Variants in CRB1 observed in about 807,000 individuals in gnomAD.
CRB1 encodes the protein crumbs cell polarity complex component 1.
In CRB1, 83 loss-of-function variants were observed where a neutral mutation model predicts 120.0. That is an observed-to-expected ratio of 0.69 (90% CI 0.58 to 0.83). The LOEUF is 0.83. Ranked by LOEUF, CRB1 falls within the 40% of genes least tolerant of loss-of-function variation. CRB1 has a pLI of 0.00. For synonymous variants in CRB1, 625 were observed against 612.5 expected (o/e 1.02, Z -0.30); for missense variants, 1,699 against 1,687.6 (o/e 1.01, Z -0.12).
chr1:197,309,671 A>G (rs1657397547), intron 1 of CRB1, among the ~76,000 whole-genome samples: 2 of 151,992 alleles, frequency 1.3e-5, no homozygotes, highest in African/African-American at 2.4e-5. Context: ...GGAGAATGGC[A>G]TGAACCCGGG....
intron 5 of CRB1, among the ~76,000 whole-genome samples, chr1:197,385,145 C>T (rs923277207): frequency 3.3e-5 from 5 of 152,106 alleles, no homozygotes; most frequent in African/African-American, 1.2e-4. Context: ...AAACTACCCT[C>T]CCCCAGCTCA....
chr1:197,449,800 A>G, intron 11 of CRB1, among the ~76,000 whole-genome samples: 1 of 152,120 alleles, frequency 6.6e-6, no homozygotes, highest in African/African-American at 2.4e-5. Flanking sequence ...GGTGACTTGG[A>G]GTGTACGCTA....
intron 5 of CRB1, among the ~76,000 whole-genome samples, chr1:197,370,109 C>T (rs974439422): frequency 1.3e-5 from 2 of 152,166 alleles, no homozygotes; most frequent in Admixed American, 1.3e-4. Flanking sequence ...AGAGATTTCT[C>T]CACTTCCAAG....
intron 11 of CRB1, among the ~76,000 whole-genome samples, chr1:197,447,874 A>T (rs1045400493): frequency 2.0e-5 from 3 of 150,970 alleles, no homozygotes; most frequent in African/African-American, 7.3e-5. Context: ...AAAAAAAAAA[A>T]AGTCTGTCTG....
At chr1:197,452,921 A>T (rs1394133515) in intron 11 of CRB1, among the ~76,000 whole-genome samples, 2 of 152,216 alleles carry the variant, frequency 1.3e-5, no homozygotes, top group African/African-American at 4.8e-5. Flanking sequence ...TTTCAAAGAC[A>T]TATCTGCATT....
At chr1:197,426,195 C>A (rs185452032) in intron 6 of CRB1, among the ~76,000 whole-genome samples, 31 of 152,088 alleles carry the variant, frequency 2.0e-4, no homozygotes, top group Admixed American at 1.4e-3. Flanking sequence ...TTGTATCTAC[C>A]TTCAAAATAT....
the CRB1 span, among the ~76,000 whole-genome samples, chr1:197,257,432 C>G: frequency 2.6e-5 from 4 of 152,136 alleles, no homozygotes; most frequent in African/African-American, 9.6e-5. Context: ...CAAGTTGACA[C>G]ATACAATTAA....
chr1:197,316,240 C>T (rs1407773267), intron 1 of CRB1, among the ~76,000 whole-genome samples: 4 of 152,124 alleles, frequency 2.6e-5, no homozygotes, highest in East Asian at 3.9e-4. Context: ...GCCGGACTGC[C>T]GTGGCATGAT....
chr1:197,341,018 C>G (rs542679115), intron 2 of CRB1, among the ~76,000 whole-genome samples: 1 of 152,194 alleles, frequency 6.6e-6, no homozygotes, highest in South Asian at 2.1e-4. Flanking sequence ...CAGGGAAACT[C>G]CCCCTAATAA....
At chr1:197,449,227 T>C (rs556859940) in intron 11 of CRB1, among the ~76,000 whole-genome samples, 1 of 152,302 alleles carries the variant, frequency 6.6e-6, no homozygotes, top group Admixed American at 6.5e-5. Context: ...ATTTATTGAA[T>C]TTCCTTTTGT....
At position 197,421,281 on chromosome 1, in the gene CRB1, A is replaced by T; in HGVS notation, c.1453A>T (p.Thr485Ser). 6.2e-7 allele frequency: 1 copy of T among 1,614,140 alleles called. No homozygotes were observed. Among genetic ancestry groups the T allele is most frequent in the Non-Finnish European group, 8.5e-7 (1 of 1,180,026 alleles). Residue 485 changes from threonine to serine, a missense_variant, in exon 6 of 12, where the codon ACA becomes TCA. Transcript: ENST00000367400. ...CGGGTCCCTGTGTGAAATCGCAACC[A>T]CACTTTCATTTGAGGGCGATGGCTT... is the stretch of plus-strand genomic sequence containing the variant. ...YTGSLCEIAT[T>S]LSFEGDGFLW...
At chr1:197,346,272 C>A (rs2786103) in intron 3 of CRB1, among the ~76,000 whole-genome samples, 1 of 151,370 alleles carries the variant, frequency 6.6e-6, no homozygotes, top group Admixed American at 6.6e-5. Context: ...CTATGAGATA[C>A]ATTGGAAAAT....
intron 11 of CRB1, among the ~76,000 whole-genome samples, chr1:197,454,393 T>C (rs1030997764): frequency 3.3e-5 from 5 of 152,172 alleles, no homozygotes; most frequent in African/African-American, 7.2e-5. Flanking sequence ...TCTAATTTGG[T>C]TCACTAATCT....
At chr1:197,354,685 C>T (rs1660337958) in intron 4 of CRB1, among the ~76,000 whole-genome samples, 3 of 151,930 alleles carry the variant, frequency 2.0e-5, no homozygotes, top group Admixed American at 2.0e-4. Flanking sequence ...TCAGTGTGGA[C>T]CCAAACAGTG....
chr1:197,229,126 A>G, the CRB1 span, among the ~76,000 whole-genome samples: 1 of 152,192 alleles, frequency 6.6e-6, no homozygotes, highest in Non-Finnish European at 1.5e-5. Flanking sequence ...CGATGCTGAC[A>G]TCCTGATCTT....
rs771762730 is a variant in CRB1 at position 197,427,540 on chromosome 1, C to T, written c.2215C>T (p.Leu739Phe). 3.1e-6 allele frequency: 5 copies of T among 1,613,608 alleles called. No homozygotes were observed. The highest frequency in any genetic ancestry group is 1.7e-5 in the Admixed American group (1 of 59,960). Residue 739 changes from leucine (L) to phenylalanine (F), a missense_variant, in exon 7 of 12, where the codon CTC (leucine) becomes TTC (phenylalanine). By Grantham distance (22) the Leu-to-Phe change is conservative. Transcript: ENST00000367400. ...LDESYGDTIS[L>F]SMFVRTLQPS... is the part of the protein sequence containing the mutation. ...TGAGAGCTATGGAGACACCATCAGC[C>T]TCTCCATGTTTGTCCGAACGCTTCA...
intron 11 of CRB1, among the ~76,000 whole-genome samples, chr1:197,475,433 C>G (rs1461561913): frequency 6.6e-6 from 1 of 152,114 alleles, no homozygotes; most frequent in East Asian, 1.9e-4. Flanking sequence ...CTGAATTTAC[C>G]TCAGAAATCC....
chr1:197,266,495 G>T (rs761356897), upstream of CRB1, among the ~76,000 whole-genome samples: 3 of 152,070 alleles, frequency 2.0e-5, no homozygotes, highest in Admixed American at 2.0e-4. Flanking sequence ...GGGAAGGGGG[G>T]AAAACATTCA....
At chr1:197,458,973 T>C (rs962717656) in intron 11 of CRB1, among the ~76,000 whole-genome samples, 6 of 151,948 alleles carry the variant, frequency 3.9e-5, no homozygotes, top group Non-Finnish European at 8.8e-5. Context: ...AAGTAGGCCA[T>C]GACATATGAG....
Sources: allele counts gnomAD v4.1 joint callset (sites outside exome capture counted in the v4.1 genomes callset), GRCh38; gene constraint gnomAD v4.1.1; transcripts MANE v1.5; gene names NCBI Gene and HGNC (gene_info 2026-07-23, HGNC 2026-07-21).